Variants in EPM2A observed in about 807,000 individuals in gnomAD.
The protein encoded by EPM2A is laforin.
Under a neutral mutation model 26.5 loss-of-function variants are expected in EPM2A, and 21 were observed. The observed-to-expected ratio is 0.79, with a 90% CI of 0.56 to 1.14. The LOEUF is 1.14. EPM2A is among the 50% of genes most tolerant of loss of function. The pLI is 0.00. For synonymous variants in EPM2A, 217 were observed against 177.6 expected (o/e 1.22, Z -1.76); for missense variants, 458 against 440.8 (o/e 1.04, Z -0.35).
chr6:145,480,615 A>G (rs976745821), intron 4 of EPM2A, among the ~76,000 whole-genome samples: 1 of 152,144 alleles, frequency 6.6e-6, no homozygotes, highest in Non-Finnish European at 1.5e-5. Context: ...GACTTGTACA[A>G]TCAAGTCCAA....
chr6:145,471,680 AC>A (rs1779475127), intron 4 of EPM2A, among the ~76,000 whole-genome samples: 1 of 152,176 alleles, frequency 6.6e-6, no homozygotes, highest in South Asian at 2.1e-4. Context: ...TGAGCTGATG[AC>A]CACCCATACA....
chr6:145,399,657 G>A (rs929045316), intron 4 of EPM2A, among the ~76,000 whole-genome samples: 1 of 151,712 alleles, frequency 6.6e-6, no homozygotes, highest in Non-Finnish European at 1.5e-5. Flanking sequence ...GGCCCAAGTG[G>A]TTTTAGACAA....
Position 145,507,075 on chromosome 6 carries a change from G to A in EPM2A, c.341-4500C>T, listed in dbSNP as rs191019903. 1.2e-4 allele frequency among the ~76,000 whole-genome samples: 18 copies of A among 152,042 alleles called. No homozygotes were observed. In the East Asian group the frequency reaches 3.5e-3, roughly 29 times the overall value. On this transcript the variant is annotated intron_variant, in intron 2 of 3. Coordinates refer to the EPM2A transcript ENST00000450221. ...GGCCACCACACCCAGCCAAGACTGT[G>A]GTTTTAAAGAAAGAGATGAGATTTT...
intron 2 of EPM2A, among the ~76,000 whole-genome samples, chr6:145,604,726 G>A (rs769360815): frequency 2.0e-5 from 3 of 152,032 alleles, no homozygotes; most frequent in East Asian, 1.9e-4. Flanking sequence ...ATAGTTAATC[G>A]GAATCTTTCA....
At chr6:145,522,812 T>C (rs1475110792) in intron 2 of EPM2A, among the ~76,000 whole-genome samples, 5 of 151,762 alleles carry the variant, frequency 3.3e-5, no homozygotes, top group African/African-American at 1.2e-4. Context: ...TCACCCATGT[T>C]GAACTACAAT....
At chr6:145,671,478 A>C in intron 2 of EPM2A, 1 of 690,584 alleles carries the variant, frequency 1.4e-6, no homozygotes, top group Non-Finnish European at 1.8e-6. Flanking sequence ...TATAAGCCTT[A>C]GCTTTTGAAA....
intron 2 of EPM2A, among the ~76,000 whole-genome samples, chr6:145,587,258 G>GT (rs1439254755): frequency 6.6e-6 from 1 of 152,048 alleles, no homozygotes; most frequent in Admixed American, 6.5e-5. Flanking sequence ...AACATGTTGT[G>GT]TTTTTTTATT....
At chr6:145,433,908 G>A (rs191002293) in intron 4 of EPM2A, among the ~76,000 whole-genome samples, 41 of 152,110 alleles carry the variant, frequency 2.7e-4, no homozygotes, top group African/African-American at 8.0e-4. Context: ...TTCCAGCTGG[G>A]ATCATGTCCC....
At chr6:145,677,439 C>T (rs917637301) in intron 2 of EPM2A, among the ~76,000 whole-genome samples, 2 of 152,116 alleles carry the variant, frequency 1.3e-5, no homozygotes, top group African/African-American at 4.8e-5. Flanking sequence ...CCAGGACAAT[C>T]AGGCAAGAGA....
At chr6:145,384,811 C>T (rs1449121400) in intron 4 of EPM2A, among the ~76,000 whole-genome samples, 10 of 147,666 alleles carry the variant, frequency 6.8e-5, no homozygotes, top group African/African-American at 2.3e-4. Flanking sequence ...TTCTATTTAC[C>T]ACTTTCTCTG....
At chr6:145,454,268 G>A (rs1779233155) in intron 4 of EPM2A, among the ~76,000 whole-genome samples, 1 of 152,190 alleles carries the variant, frequency 6.6e-6, no homozygotes, top group Admixed American at 6.5e-5. Context: ...TTTAAAATGT[G>A]TATAACATCA....
intron 2 of EPM2A, among the ~76,000 whole-genome samples, chr6:145,565,698 T>C (rs922065867): frequency 6.6e-6 from 1 of 152,142 alleles, no homozygotes; most frequent in Non-Finnish European, 1.5e-5. Context: ...AGCTTGGCCC[T>C]CTAAGATCCA....
chr6:145,486,012 C>A (rs560675882), intron 4 of EPM2A, among the ~76,000 whole-genome samples: 2 of 152,168 alleles, frequency 1.3e-5, no homozygotes, highest in Non-Finnish European at 2.9e-5. Context: ...ATGGAAGCTA[C>A]AATTCAAGAT....
At chr6:145,542,202 C>T (rs989695051) in intron 2 of EPM2A, among the ~76,000 whole-genome samples, 1 of 152,222 alleles carries the variant, frequency 6.6e-6, no homozygotes, top group African/African-American at 2.4e-5. Context: ...AGAAGGCCAT[C>T]TTTTTTCTCT....
At chr6:145,474,419 G>A (rs1368006627) in intron 4 of EPM2A, among the ~76,000 whole-genome samples, 24 of 152,066 alleles carry the variant, frequency 1.6e-4, no homozygotes, top group Admixed American at 1.6e-3. Context: ...CCAAGATTGA[G>A]CCATTGCACT....
intron 2 of EPM2A, among the ~76,000 whole-genome samples, chr6:145,601,256 T>C (rs1039445618): frequency 3.9e-5 from 6 of 152,214 alleles, no homozygotes; most frequent in African/African-American, 1.4e-4. Flanking sequence ...AGACCTATGG[T>C]GACCATACCT....
intron 1 of EPM2A, among the ~76,000 whole-genome samples, chr6:145,693,750 G>A (rs1211414867): frequency 6.6e-6 from 1 of 151,942 alleles, no homozygotes; most frequent in Non-Finnish European, 1.5e-5. Flanking sequence ...ACTATGTTGG[G>A]ATAAACTAAT....
intron 2 of EPM2A, among the ~76,000 whole-genome samples, chr6:145,503,572 C>T (rs1779926137): frequency 1.2e-5 from 1 of 86,796 alleles, no homozygotes; most frequent in Non-Finnish European, 2.2e-5. Flanking sequence ...AACTACAAAC[C>T]ACTGCTCAAG....
At chr6:145,695,695 G>T (rs1208321485) in intron 1 of EPM2A, among the ~76,000 whole-genome samples, 1 of 151,934 alleles carries the variant, frequency 6.6e-6, no homozygotes, top group African/African-American at 2.4e-5. Context: ...AGTAAAGAAA[G>T]ACAAAGAAGG....
Sources: allele counts gnomAD v4.1 joint callset (sites outside exome capture counted in the v4.1 genomes callset), GRCh38; gene constraint gnomAD v4.1.1; transcripts MANE v1.5; gene names NCBI Gene and HGNC (gene_info 2026-07-23, HGNC 2026-07-21).